Variants in HS6ST3 observed in about 807,000 individuals in gnomAD.
HS6ST3 encodes the protein heparan sulfate 6-O-sulfotransferase 3, also known as heparan-sulfate 6-O-sulfotransferase 3.
HS6ST3 carries 12 observed loss-of-function variants against 36.7 expected under a neutral mutation model. The ratio of observed to expected loss-of-function variants is 0.33; its 90% CI spans 0.21 to 0.53. The LOEUF (loss-of-function observed/expected upper bound fraction) is 0.53, where lower values mean the gene tolerates loss of function less well. HS6ST3 is among the 20% of genes least tolerant of loss of function. The pLI is 0.95. For synonymous variants in HS6ST3, 240 were observed against 257.5 expected (o/e 0.93, Z 0.65); for missense variants, 584 against 640.9 (o/e 0.91, Z 0.96).
chr13:96,215,762 T>C (rs2054422810), intron 1 of HS6ST3, among the ~76,000 whole-genome samples: 1 of 152,166 alleles, frequency 6.6e-6, no homozygotes, highest in African/African-American at 2.4e-5. Context: ...ACGGTTAGGA[T>C]ATGGGCTATG....
intron 1 of HS6ST3, among the ~76,000 whole-genome samples, chr13:96,692,416 CT>C (rs946591560): frequency 6.7e-4 from 102 of 152,218 alleles, no homozygotes; most frequent in African/African-American, 2.4e-3. Context: ...ACTACAGAAA[CT>C]TTTTTTCCAG....
intron 1 of HS6ST3, among the ~76,000 whole-genome samples, chr13:96,206,924 A>G (rs772400244): frequency 9.9e-5 from 15 of 152,214 alleles, no homozygotes; most frequent in Non-Finnish European, 2.1e-4. Flanking sequence ...TGAAAAGGCC[A>G]AAAGCAATTG....
intron 1 of HS6ST3, among the ~76,000 whole-genome samples, chr13:96,544,344 T>G (rs947918151): frequency 7.2e-5 from 11 of 152,292 alleles, no homozygotes; most frequent in African/African-American, 2.6e-4. Context: ...CTGAAAAATT[T>G]AATACAGAAA....
At position 96,564,951 on chromosome 13, in the gene HS6ST3, G is replaced by A. The variant is rs1296903119; in HGVS notation, c.708-267539G>A. ...TGAGAGAAGAAATTAGAAGTGCTAT[G>A]GCAGGTGGAATGCTAGAGGAACAAG... On this transcript the variant is annotated intron_variant, in intron 1 of 1. Coordinates refer to ENST00000376705, the MANE Select transcript of HS6ST3 (RefSeq NM_153456.4). Among the ~76,000 whole-genome samples, 3 of 152,126 alleles carry A rather than the reference G, an allele frequency of 2.0e-5. No individual in the cohort carries two copies. In the East Asian group the frequency reaches 5.8e-4, roughly 29 times the overall value.
At chr13:96,658,603 A>G (rs1392046897) in intron 1 of HS6ST3, among the ~76,000 whole-genome samples, 1 of 149,402 alleles carries the variant, frequency 6.7e-6, no homozygotes, top group African/African-American at 2.5e-5. Context: ...TCTATTGATC[A>G]TTATTTGGGT....
chr13:96,286,258 CCTT>C (rs1324299402), intron 1 of HS6ST3, among the ~76,000 whole-genome samples: 2 of 152,106 alleles, frequency 1.3e-5, no homozygotes, highest in Non-Finnish European at 2.9e-5. Context: ...TTTAGCTTCT[CCTT>C]CTTTTTCTGC....
intron 1 of HS6ST3, among the ~76,000 whole-genome samples, chr13:96,764,998 A>G (rs1012345241): frequency 6.6e-6 from 1 of 151,832 alleles, no homozygotes; most frequent in African/African-American, 2.4e-5. Flanking sequence ...TGAAATTGAA[A>G]TGGAAAGTAA....
At chr13:96,352,561 A>G (rs1406951656) in intron 1 of HS6ST3, among the ~76,000 whole-genome samples, 2 of 152,050 alleles carry the variant, frequency 1.3e-5, no homozygotes, top group Non-Finnish European at 2.9e-5. Flanking sequence ...ACACATAATC[A>G]TTTTCATAAT....
At chr13:96,135,413 TGGTGA>T (rs1487607504) in intron 1 of HS6ST3, among the ~76,000 whole-genome samples, 2 of 152,132 alleles carry the variant, frequency 1.3e-5, no homozygotes, top group African/African-American at 4.8e-5. Flanking sequence ...AAAAATAGAA[TGGTGA>T]GGTAACTTAA....
intron 1 of HS6ST3, among the ~76,000 whole-genome samples, chr13:96,710,425 T>C (rs1488326172): frequency 6.6e-6 from 1 of 152,266 alleles, no homozygotes; most frequent in African/African-American, 2.4e-5. Flanking sequence ...CAGAGCTGAC[T>C]GCTTCAGGGC....
At chr13:96,829,738 G>C (rs1368540417) in intron 1 of HS6ST3, among the ~76,000 whole-genome samples, 3 of 152,068 alleles carry the variant, frequency 2.0e-5, no homozygotes, top group Non-Finnish European at 2.9e-5. Context: ...CATTGATGAT[G>C]ATCATCATTG....
intron 1 of HS6ST3, among the ~76,000 whole-genome samples, chr13:96,149,417 A>G (rs2054073811): frequency 1.3e-5 from 2 of 152,138 alleles, no homozygotes; most frequent in Admixed American, 1.3e-4. Context: ...CAATAGTGTG[A>G]CCTCCCATTT....
chr13:96,444,166 C>G (rs2055687077), intron 1 of HS6ST3, among the ~76,000 whole-genome samples: 2 of 152,120 alleles, frequency 1.3e-5, no homozygotes. Flanking sequence ...GGACTACTTT[C>G]TTTTAAATCA....
chr13:96,385,206 T>A (rs373358761), intron 1 of HS6ST3, among the ~76,000 whole-genome samples: 1 of 152,056 alleles, frequency 6.6e-6, no homozygotes, highest in South Asian at 2.1e-4. Context: ...GAAAAGATTT[T>A]TTTCAAGATT....
At chr13:96,641,305 G>C (rs1039734044) in intron 1 of HS6ST3, among the ~76,000 whole-genome samples, 1 of 151,758 alleles carries the variant, frequency 6.6e-6, no homozygotes, top group Non-Finnish European at 1.5e-5. Flanking sequence ...TTCTTGGTTT[G>C]GCTCTCAGTT....
intron 1 of HS6ST3, among the ~76,000 whole-genome samples, chr13:96,222,824 G>A (rs1445050566): frequency 1.3e-5 from 2 of 152,108 alleles, no homozygotes; most frequent in Non-Finnish European, 2.9e-5. Flanking sequence ...ATTTATCAGG[G>A]AGCATGCTTT....
chr13:96,296,543 A>T (rs1205246152), intron 1 of HS6ST3, among the ~76,000 whole-genome samples: 1 of 152,102 alleles, frequency 6.6e-6, no homozygotes. Flanking sequence ...CTGGCACAAA[A>T]TTCCTAGTGT....
At chr13:96,491,553 T>C (rs921971553) in intron 1 of HS6ST3, among the ~76,000 whole-genome samples, 9 of 150,348 alleles carry the variant, frequency 6.0e-5, no homozygotes, top group African/African-American at 2.0e-4. Context: ...AAAATGGGGG[T>C]TCCCAGTTGT....
At chr13:96,222,409 A>G (rs2054460461) in intron 1 of HS6ST3, among the ~76,000 whole-genome samples, 2 of 152,332 alleles carry the variant, frequency 1.3e-5, no homozygotes, top group South Asian at 2.1e-4. Context: ...TTAATACCAC[A>G]GGAAATTAAA....
Sources: allele counts gnomAD v4.1 joint callset (sites outside exome capture counted in the v4.1 genomes callset), GRCh38; gene constraint gnomAD v4.1.1; transcripts MANE v1.5; gene names NCBI Gene and HGNC (gene_info 2026-07-23, HGNC 2026-07-21).